Variants in CFAP61 observed in about 807,000 individuals in gnomAD.
CFAP61 encodes cilia- and flagella-associated protein 61.
A neutral mutation model predicts 135.6 loss-of-function variants in CFAP61; 107 were observed. The observed-to-expected ratio is 0.79, with a 90% CI of 0.67 to 0.93. The LOEUF is 0.93. CFAP61 is among the 40% of genes least tolerant of loss of function. The probability of loss-of-function intolerance (pLI) is 0.00; values close to 1 mark genes in which losing one functional copy is unlikely to be tolerated. For synonymous variants in CFAP61, 575 were observed against 578.5 expected (o/e 0.99, Z 0.09); for missense variants, 1,507 against 1,556.2 (o/e 0.97, Z 0.53).
At chr20:20,236,292 G>A (rs1034722560) in intron 18 of CFAP61, among the ~76,000 whole-genome samples, 25 of 152,150 alleles carry the variant, frequency 1.6e-4, no homozygotes, top group Non-Finnish European at 3.4e-4. Context: ...AATATGTACA[G>A]TATTTTTAAT....
intron 24 of CFAP61, among the ~76,000 whole-genome samples, chr20:20,291,541 C>G (rs916258452): frequency 6.6e-6 from 1 of 152,130 alleles, no homozygotes; most frequent in Non-Finnish European, 1.5e-5. Context: ...CTGGTTGTAT[C>G]GGTTTATTTA....
intron 9 of CFAP61, among the ~76,000 whole-genome samples, chr20:20,149,314 T>C (rs2052196272): frequency 6.6e-6 from 1 of 152,170 alleles, no homozygotes; most frequent in African/African-American, 2.4e-5. Context: ...GAAATTCTAA[T>C]AAAAACTTAG....
At chr20:20,113,693 T>A (rs1306447667) in intron 8 of CFAP61, among the ~76,000 whole-genome samples, 2 of 152,192 alleles carry the variant, frequency 1.3e-5, no homozygotes, top group African/African-American at 4.8e-5. Context: ...ATTTTATTTT[T>A]AAAAATATGA....
At chr20:20,201,981 A>G (rs1374074129) in intron 17 of CFAP61, among the ~76,000 whole-genome samples, 1 of 80,134 alleles carries the variant, frequency 1.2e-5, no homozygotes, top group African/African-American at 4.7e-5. Flanking sequence ...CCTCCCTCCC[A>G]CCCTACTGTG....
intron 9 of CFAP61, among the ~76,000 whole-genome samples, chr20:20,150,282 T>C (rs1399276289): frequency 6.6e-6 from 1 of 152,048 alleles, no homozygotes; most frequent in Non-Finnish European, 1.5e-5. Context: ...CCCACCCCAG[T>C]AGCCAATCAC....
chr20:20,085,179 C>A (rs6112750), intron 6 of CFAP61: 1 of 985,228 alleles, frequency 1.0e-6, no homozygotes, highest in Non-Finnish European at 1.2e-6. Flanking sequence ...TGTGACGCTG[C>A]GGTGCCAAAT....
At chr20:20,253,163 T>TCTTTTCTTTC (rs1164716625) in intron 20 of CFAP61, 11 of 152,700 alleles carry the variant, frequency 7.2e-5, no homozygotes, top group Middle Eastern at 3.3e-3. Flanking sequence ...TCTTTTCTTT[T>TCTTTTCTTTC]CTTTCCTTTT....
In CFAP61 at chr20:20,296,055, CCTTCCT is replaced by C. The variant is rs1237343785; in HGVS notation, c.3217-2125_3217-2120del. The stretch of plus-strand genomic sequence containing the variant: ...CTTTTCTTCCTCCCTCCCTTCCTTC[CCTTCCT>C]TCCCTTCCTTCCCTCCTTTTCTTCC... On this transcript the variant is annotated intron_variant, in intron 24 of 26. Transcript: ENST00000245957. Among the ~76,000 whole-genome samples the C allele has an allele frequency of 6.5e-4, 38 of 58,620 alleles. 3 individuals are homozygous for C. The highest frequency in any genetic ancestry group is 1.1e-3 in the Admixed American group (7 of 6,200). The allele number at this position is 58,620 out of a possible 152,430, so 38.5% of individuals were successfully genotyped here.
rs113188274 is a variant in CFAP61, at chr20:20,275,306, C to T, written c.2504-1860C>T. Reference sequence around the variant, plus strand: ...CTTCTTGTTTGACATTGAGTTTTGACGTGGTTTGCTATGCAGCATTATTAT... The same window carrying T: ...CTTCTTGTTTGACATTGAGTTTTGATGTGGTTTGCTATGCAGCATTATTAT... On this transcript the variant is annotated intron_variant, in intron 21 of 26. Coordinates refer to ENST00000245957, the MANE Select transcript of CFAP61 (RefSeq NM_015585.4). 1.6e-3 allele frequency among the ~76,000 whole-genome samples: 249 copies of T among 152,258 alleles called. 1 individual carries two copies. The highest frequency in any genetic ancestry group is 5.8e-3 in the African/African-American group (240 of 41,534).
chr20:20,315,889 T>C (rs2057105494), intron 25 of CFAP61, among the ~76,000 whole-genome samples: 1 of 152,204 alleles, frequency 6.6e-6, no homozygotes, highest in South Asian at 2.1e-4. Flanking sequence ...TCTGTTCCAT[T>C]GATCTGGATC....
chr20:20,262,867 A>G, intron 20 of CFAP61, 89 bp from the exon 21 acceptor site: 1 of 649,170 alleles, frequency 1.5e-6, no homozygotes, highest in Non-Finnish European at 2.5e-6. Context: ...AGACATACTG[A>G]ATATTGCTAT....
At chr20:20,342,466 G>T (rs1028383246) in intron 26 of CFAP61, among the ~76,000 whole-genome samples, 4 of 152,200 alleles carry the variant, frequency 2.6e-5, no homozygotes, top group African/African-American at 9.6e-5. Flanking sequence ...AAATAGTGAG[G>T]TATTTGTGAA....
At position 20,164,147 on chromosome 20, in the gene CFAP61, T is replaced by C. The variant is rs1488764920; in HGVS notation, c.1124T>C (p.Val375Ala). ...TCGCTCGTACTGCCTGAAGAGCCCG[T>C]CCACTTCCGCCCCATCTACAGGGGA... is the stretch of plus-strand genomic sequence containing the variant. The part of the protein sequence containing the change: ...LASLVLPEEP[V>A]HFRPIYRGAS... The change falls in exon 11 of 27, where the codon GTC (valine) becomes GCC (alanine). Residue 375 changes from valine (V) to alanine (A), a missense_variant. Transcript: ENST00000245957. The C allele has an allele frequency of 1.2e-6, 2 of 1,614,130 alleles. No individual in the cohort carries two copies. Among genetic ancestry groups the C allele is most frequent in the Non-Finnish European group, 1.7e-6 (2 of 1,179,986 alleles).
intron 13 of CFAP61, among the ~76,000 whole-genome samples, chr20:20,187,077 A>C (rs1018856651): frequency 4.6e-5 from 7 of 152,142 alleles, no homozygotes; most frequent in African/African-American, 1.7e-4. Flanking sequence ...GGAGGTCCAC[A>C]CTGAGTTGCT....
intron 7 of CFAP61, among the ~76,000 whole-genome samples, chr20:20,097,753 C>T: frequency 6.6e-6 from 1 of 152,228 alleles, no homozygotes; most frequent in South Asian, 2.1e-4. Flanking sequence ...ACCAGCCTAG[C>T]CTGACTCAAG....
At chr20:20,295,652 A>C (rs1159466547) in intron 24 of CFAP61, among the ~76,000 whole-genome samples, 1 of 152,178 alleles carries the variant, frequency 6.6e-6, no homozygotes, top group Non-Finnish European at 1.5e-5. Flanking sequence ...CACTGTGTAT[A>C]TATCTACATA....
At position 20,296,316 on chromosome 20, in the gene CFAP61, CTCCTTCCTTCCCT is replaced by C. The variant is rs1233508397; in HGVS notation, c.3217-1853_3217-1841del. Among the ~76,000 whole-genome samples the C allele has an allele frequency of 2.0e-3, 74 of 36,130 alleles. 1 individual carries two copies. The highest frequency in any genetic ancestry group is 3.0e-3 in the African/African-American group (22 of 7,222). The allele number at this position is 36,130 out of a possible 152,430, so 23.7% of individuals were successfully genotyped here. On this transcript the variant is annotated intron_variant, in intron 24 of 26. Coordinates refer to ENST00000245957, the MANE Select transcript of CFAP61 (RefSeq NM_015585.4). ...CTCCTTCCCTTCCTTCCTTCCTTCC[CTCCTTCCTTCCCT>C]TCCTTCCTTCCTTGCTTCCTTCCTT...
chr20:20,227,750 C>T (rs1341784366), intron 17 of CFAP61, among the ~76,000 whole-genome samples: 1 of 152,132 alleles, frequency 6.6e-6, no homozygotes, highest in African/African-American at 2.4e-5. Context: ...ATCTACTGTC[C>T]ACAAGACACC....
chr20:20,087,170 A>G (rs955420269), intron 6 of CFAP61, among the ~76,000 whole-genome samples: 4 of 152,166 alleles, frequency 2.6e-5, no homozygotes, highest in African/African-American at 9.7e-5. Context: ...TAGGGGGTAC[A>G]TGTGCAGGTT....
Sources: gnomAD v4.1 joint callset for allele counts (sites outside exome capture counted in the v4.1 genomes callset) on GRCh38, gnomAD v4.1.1 for gene constraint, MANE v1.5 for transcripts, NCBI Gene and HGNC (gene_info 2026-07-23, HGNC 2026-07-21) for gene names.